Variants in ZNF385C observed in about 807,000 individuals in gnomAD.
The protein encoded by ZNF385C is CTD-2132N18.2.
Under a neutral mutation model 35.4 loss-of-function variants are expected in ZNF385C, and 28 were observed. The observed-to-expected ratio is 0.79, with a 90% CI of 0.59 to 1.08. The LOEUF is 1.08. ZNF385C is among the 50% of genes least tolerant of loss of function. The pLI is 0.00. For missense variants in ZNF385C, 605 were observed against 595.6 expected (o/e 1.02, Z -0.16); for synonymous variants, 248 against 248.2 (o/e 1.00, Z 0.01).
At chr17:42,041,026 AAG>A (rs1454876423) in intron 2 of ZNF385C, 7 of 1,232,334 alleles carry the variant, frequency 5.7e-6, no homozygotes, top group Admixed American at 4.2e-5. Flanking sequence ...ACTGCCCAGG[AAG>A]GTGGTGGCGG....
At chr17:42,048,979 C>G (rs1236238242) in intron 2 of ZNF385C, among the ~76,000 whole-genome samples, 1 of 151,966 alleles carries the variant, frequency 6.6e-6, no homozygotes, top group Non-Finnish European at 1.5e-5. Flanking sequence ...TTAGACCCCT[C>G]CACAACCACC....
intron 2 of ZNF385C, chr17:42,038,342 C>T (rs1331231366): frequency 1.0e-5 from 4 of 401,332 alleles, no homozygotes; most frequent in Non-Finnish European, 1.8e-5. Context: ...CCCTCCAGAT[C>T]CCCAGGATTT....
chr17:42,031,073 G>A (rs2052718058), intron 5 of ZNF385C, among the ~76,000 whole-genome samples: 1 of 151,930 alleles, frequency 6.6e-6, no homozygotes, highest in Non-Finnish European at 1.5e-5. Flanking sequence ...GTGGGCAGGG[G>A]AGGTTAGAGA....
At chr17:42,081,071 T>G (rs1457464788) in intron 1 of ZNF385C, among the ~76,000 whole-genome samples, 2 of 152,250 alleles carry the variant, frequency 1.3e-5, no homozygotes, top group African/African-American at 4.8e-5. Flanking sequence ...AAACACTTAT[T>G]GAACACCTAC....
intron 4 of ZNF385C, among the ~76,000 whole-genome samples, chr17:42,032,136 CT>C (rs782050927): frequency 5.3e-5 from 8 of 152,172 alleles, no homozygotes; most frequent in Non-Finnish European, 8.8e-5. Context: ...TCTCAGCTCA[CT>C]GCAACCTCCG....
rs2143971736 is a variant in ZNF385C, at chr17:42,098,464, C to G, written c.-57G>C. ...CCACCTGCTCTCGCCTGGCTGGGAA[C>G]GCTGCGTGTGGGGCTGGCTGGGAGG... is the stretch of plus-strand genomic sequence containing the variant. On this transcript the variant is annotated 5_prime_UTR_variant, in exon 1 of 9. Coordinates refer to ENST00000692273, the MANE Select transcript of ZNF385C (RefSeq NM_001392013.1). 2.7e-5 allele frequency: 4 copies of G among 146,408 alleles called. No homozygotes were observed. In the South Asian group the frequency reaches 9.6e-4, roughly 35 times the overall value. The allele number at this position is 146,408 out of a possible 1,614,324, so 9.1% of individuals were successfully genotyped here.
intron 5 of ZNF385C, among the ~76,000 whole-genome samples, chr17:42,030,182 T>C (rs1389621546): frequency 1.3e-5 from 2 of 151,708 alleles, no homozygotes; most frequent in Non-Finnish European, 2.9e-5. Flanking sequence ...TGAATGTTTG[T>C]GAGAGATGAA....
chr17:42,034,687 G>A (rs2052803932), intron 3 of ZNF385C, among the ~76,000 whole-genome samples: 1 of 151,718 alleles, frequency 6.6e-6, no homozygotes, highest in African/African-American at 2.4e-5. Context: ...GGGAGGCTGA[G>A]GCAGGAGAAT....
rs969749341 is a variant in ZNF385C at position 42,039,495 on chromosome 17, C to T, written c.251-1610G>A. The T allele has an allele frequency of 1.5e-5, 6 of 407,652 alleles. No individual in the cohort carries two copies. In the Admixed American group the frequency reaches 1.8e-4, roughly 12 times the overall value. 25.3% of individuals were successfully genotyped at this position (407,652 alleles called of 1,614,324 possible). On this transcript the variant is annotated intron_variant, in intron 2 of 8. Transcript: ENST00000692273. ...CCAGATCCTAGCATCTCTGCCCACC[C>T]GCCCAGGCCCCTCTTGAGCCAGTCC...
intron 1 of ZNF385C, among the ~76,000 whole-genome samples, chr17:42,092,591 C>G (rs1007298417): frequency 7.9e-5 from 12 of 152,178 alleles, no homozygotes; most frequent in African/African-American, 2.9e-4. Context: ...GCTAAAGTCT[C>G]ACTGGAGGAC....
At position 42,027,119 on chromosome 17, in the gene ZNF385C, C is replaced by A; in HGVS notation, c.1290G>T (p.Leu430Phe). The A allele has an allele frequency of 6.2e-7, 1 of 1,613,452 alleles. No homozygotes were observed. The highest frequency in any genetic ancestry group is 1.1e-5 in the South Asian group (1 of 91,050). ...AVSILKSKLA[L>F]QKQLTKTLAA... Reference sequence around the variant, plus strand: ...CCAACGTCTTGGTGAGTTGCTTCTGCAAGGCCAGTTTAGACTACACGGAAA... The same window carrying A: ...CCAACGTCTTGGTGAGTTGCTTCTGAAAGGCCAGTTTAGACTACACGGAAA... Residue 430 changes from leucine (L) to phenylalanine (F), a missense_variant, in exon 9 of 9, where the codon TTG becomes TTT. By Grantham distance (22) the Leu-to-Phe change is conservative (BLOSUM62 0). Transcript: ENST00000692273.
chr17:42,063,383 C>G (rs1555658185), intron 1 of ZNF385C, among the ~76,000 whole-genome samples: 1 of 152,108 alleles, frequency 6.6e-6, no homozygotes, highest in Non-Finnish European at 1.5e-5. Flanking sequence ...ACATAATTTG[C>G]TGGGCATGGT....
At chr17:42,044,542 G>C (rs1175390229) in intron 2 of ZNF385C, among the ~76,000 whole-genome samples, 1 of 151,858 alleles carries the variant, frequency 6.6e-6, no homozygotes, top group Non-Finnish European at 1.5e-5. Flanking sequence ...CTTGAACCCG[G>C]GAGGCGGAGG....
intron 2 of ZNF385C, among the ~76,000 whole-genome samples, chr17:42,052,341 G>GACAC (rs1251285378): frequency 3.9e-5 from 6 of 152,164 alleles, no homozygotes; most frequent in African/African-American, 1.4e-4. Flanking sequence ...CAGACAGACA[G>GACAC]ACACACACAC....
chr17:42,059,388 A>G (rs2053427385), intron 2 of ZNF385C, among the ~76,000 whole-genome samples: 1 of 152,178 alleles, frequency 6.6e-6, no homozygotes, highest in Non-Finnish European at 1.5e-5. Flanking sequence ...ATGACACACA[A>G]CGGATGGCCA....
At chr17:42,072,268 G>T (rs568103044) in intron 1 of ZNF385C, among the ~76,000 whole-genome samples, 1 of 152,230 alleles carries the variant, frequency 6.6e-6, no homozygotes, top group Non-Finnish European at 1.5e-5. Context: ...TCCTTAGGGT[G>T]GGTGGGAGTA....
At position 42,027,748 on chromosome 17, in the gene ZNF385C, A is replaced by C. The variant is rs782795172; in HGVS notation, c.1165-20T>G. On this transcript the variant is annotated intron_variant, in intron 7 of 8. Coordinates refer to ENST00000692273, the MANE Select transcript of ZNF385C (RefSeq NM_001392013.1). ...CATGTGCTAATGGACAGACAGACAG[A>C]CTGGGAACAAGATGACAAAGCCCAA... is the stretch of plus-strand genomic sequence containing the variant. 1 of 1,607,030 alleles carries C rather than the reference A, an allele frequency of 6.2e-7. No homozygotes were observed. The highest frequency in any genetic ancestry group is 1.7e-5 in the Admixed American group (1 of 57,666).
intron 1 of ZNF385C, among the ~76,000 whole-genome samples, chr17:42,084,179 C>G (rs1161807628): frequency 4.0e-5 from 6 of 149,166 alleles, no homozygotes; most frequent in African/African-American, 7.5e-5. Flanking sequence ...GACCTCATAT[C>G]TGAAAAAAAA....
chr17:42,096,655 A>G (rs1348604394), intron 1 of ZNF385C, among the ~76,000 whole-genome samples: 4 of 152,118 alleles, frequency 2.6e-5, no homozygotes, highest in African/African-American at 9.7e-5. Flanking sequence ...GCTTGATCCC[A>G]ACTCCTGGAG....
Sources: allele counts gnomAD v4.1 joint callset (sites outside exome capture counted in the v4.1 genomes callset), GRCh38; gene constraint gnomAD v4.1.1; transcripts MANE v1.5; gene names NCBI Gene and HGNC (gene_info 2026-07-23, HGNC 2026-07-21).